SRPRB: variants seen among roughly 807,000 people sequenced by gnomAD.
SRPRB encodes the protein SRP receptor subunit beta.
SRPRB carries 20 observed loss-of-function variants against 31.9 expected under a neutral mutation model. That is an observed-to-expected ratio of 0.63 (90% CI 0.44 to 0.91). The LOEUF (loss-of-function observed/expected upper bound fraction) is 0.91, where lower values mean the gene tolerates loss of function less well. SRPRB is among the 40% of genes least tolerant of loss of function. The probability of loss-of-function intolerance (pLI) is 0.00; values close to 1 mark genes in which losing one functional copy is unlikely to be tolerated. For synonymous variants in SRPRB, 146 were observed against 132.8 expected, an observed-to-expected ratio of 1.10 and a Z score of -0.68; for missense variants, 321 against 324.9, an observed-to-expected ratio of 0.99 and a Z score of 0.09.
intron 4 of SRPRB, among the ~76,000 whole-genome samples, chr3:133,813,333 A>T (rs1271074272): frequency 6.6e-6 from 1 of 151,532 alleles, no homozygotes; most frequent in African/African-American, 2.4e-5. Context: ...CATTTCTCAC[A>T]CTCTGGAATT....
At chr3:133,814,029 G>T (rs1935321181) in intron 4 of SRPRB, among the ~76,000 whole-genome samples, 1 of 152,190 alleles carries the variant, frequency 6.6e-6, no homozygotes, top group South Asian at 2.1e-4. Context: ...TTAAGTTGTA[G>T]GCTTTGTGCA....
intron 5 of SRPRB, among the ~76,000 whole-genome samples, chr3:133,816,241 G>A (rs1053275062): frequency 6.6e-6 from 1 of 152,182 alleles, no homozygotes; most frequent in African/African-American, 2.4e-5. Context: ...GTCTCTTCCA[G>A]ATCTGAAATT....
chr3:133,824,466 A>T (rs1397726766), downstream of SRPRB: 1 of 152,206 alleles, frequency 6.6e-6, no homozygotes, highest in Non-Finnish European at 1.5e-5. Context: ...CTTCAATGCT[A>T]TGGAGGCTTC....
upstream of SRPRB, among the ~76,000 whole-genome samples, chr3:133,803,894 A>T (rs1163784277): frequency 6.6e-6 from 1 of 151,646 alleles, no homozygotes; most frequent in African/African-American, 2.4e-5. Context: ...TAGGAGATCG[A>T]GACCATCCTG....
Position 133,820,099 on chromosome 3 carries a change from G to A in SRPRB, c.*333G>A, listed in dbSNP as rs1269895404. On this transcript the variant is annotated 3_prime_UTR_variant, in exon 7 of 7. Coordinates refer to ENST00000678299, the MANE Select transcript of SRPRB (RefSeq NM_001379313.1). ...TATGATGAGAATATGGCCATCACCT[G>A]AAAAGTTTTCTTATCTTCTGTGCTT... 7 of 226,138 alleles carry A rather than the reference G, an allele frequency of 3.1e-5. No individual in the cohort carries two copies. Among genetic ancestry groups the A allele is most frequent in the Non-Finnish European group, 5.3e-5 (6 of 112,898 alleles). 14.0% of individuals were successfully genotyped at this position (226,138 alleles called of 1,614,324 possible).
chr3:133,818,785 A>AGTGTGTGTGTGTGTGTGTGT (rs146467727), intron 6 of SRPRB, among the ~76,000 whole-genome samples: 3 of 144,102 alleles, frequency 2.1e-5, no homozygotes, highest in African/African-American at 5.2e-5. Flanking sequence ...ATACTTTTAC[A>AGTGTGTGTGTGTGTGTGTGT]GTGTGTGTGT....
chr3:133,813,171 C>T (rs138867709), intron 4 of SRPRB, among the ~76,000 whole-genome samples: 40 of 152,286 alleles, frequency 2.6e-4, no homozygotes, highest in African/African-American at 8.2e-4. Context: ...CCTGATTTGA[C>T]CTTCTATCCA....
At chr3:133,795,779 T>A (rs1443989697) in intron 1 of SRPRB, 5 of 152,146 alleles carry the variant, frequency 3.3e-5, no homozygotes, top group African/African-American at 1.2e-4. Context: ...GGTTTCACCA[T>A]GTTAGCCAGG....
At chr3:133,811,283 T>C in intron 4 of SRPRB, 84 bp downstream of exon 4, 35 of 1,430,746 alleles carry the variant, frequency 2.4e-5, no homozygotes, top group Non-Finnish European at 3.4e-5. Flanking sequence ...CTGGTGGTGT[T>C]TGGGAGGCAG....
In SRPRB at chr3:133,809,778, TTAA is replaced by T. The variant is rs1187547014; in HGVS notation, c.328-1334_328-1332del. On this transcript the variant is annotated intron_variant, in intron 3 of 6. Coordinates refer to ENST00000678299, the MANE Select transcript of SRPRB (RefSeq NM_001379313.1). ...TGGAAAAAAAGAACGTAAAGTATCA[TTAA>T]TAATTTCTTTTTTTATTACATTTTA... Among the ~76,000 whole-genome samples, 3 of 152,220 alleles carry T rather than the reference TTAA, an allele frequency of 2.0e-5. No homozygotes were observed. The East Asian group carries it at 5.8e-4, about 29-fold the overall frequency.
chr3:133,824,340 G>C (rs1018086284), downstream of SRPRB: 12 of 152,162 alleles, frequency 7.9e-5, no homozygotes, highest in African/African-American at 2.7e-4. Context: ...TGTCTTCTGA[G>C]CCCATAACAG....
chr3:133,815,757 G>A (rs751620745), intron 5 of SRPRB, 31 bp downstream of exon 5: 7 of 1,603,828 alleles, frequency 4.4e-6, no homozygotes, highest in Non-Finnish European at 6.0e-6. Context: ...AATAATAATT[G>A]AGTTTTTTGG....
At position 133,819,915 on chromosome 3, in the gene SRPRB, G is replaced by T. The variant is rs964392495; in HGVS notation, c.*149G>T. ...AACAAAGTACTGTTGAAACCAGCTT[G>T]GAATTTTTTTTTTTTTTTTTTTTAA... On this transcript the variant is annotated 3_prime_UTR_variant, in exon 7 of 7. Coordinates refer to ENST00000678299, the MANE Select transcript of SRPRB (RefSeq NM_001379313.1). 23 of 676,994 alleles carry T rather than the reference G, an allele frequency of 3.4e-5. No homozygotes were observed. Among genetic ancestry groups the T allele is most frequent in the South Asian group, 2.1e-4 (9 of 43,630 alleles). 41.9% of individuals were successfully genotyped at this position (676,994 alleles called of 1,614,324 possible).
At chr3:133,806,443 C>G (rs2107968052) in intron 1 of SRPRB, 166 bp from the exon 2 acceptor site, 1 of 588,228 alleles carries the variant, frequency 1.7e-6, no homozygotes, top group Non-Finnish European at 3.0e-6. Flanking sequence ...GTGCCTGGCT[C>G]TCAGTGGATC....
chr3:133,798,786 G>A (rs986091854), intron 1 of SRPRB, among the ~76,000 whole-genome samples: 2 of 152,164 alleles, frequency 1.3e-5, no homozygotes, highest in Non-Finnish European at 2.9e-5. Flanking sequence ...AAGTCAAACT[G>A]TAAACTGCCT....
At chr3:133,793,925 C>T (rs922897957) in intron 1 of SRPRB, 2 of 152,064 alleles carry the variant, frequency 1.3e-5, no homozygotes, top group African/African-American at 2.4e-5. Flanking sequence ...ACTGCTAACC[C>T]AAGTAGAACA....
chr3:133,828,198 A>G (rs573317973), downstream of SRPRB: 3 of 577,834 alleles, frequency 5.2e-6, no homozygotes, highest in African/African-American at 5.6e-5. Flanking sequence ...CCATGGAAAG[A>G]CAAGAGTCAG....
downstream of SRPRB, chr3:133,827,945 C>A (rs1349884848): frequency 1.4e-6 from 1 of 703,026 alleles, no homozygotes; most frequent in Admixed American, 2.0e-5. Context: ...GCACCCCAGT[C>A]TATAAACCAC....
In SRPRB at chr3:133,819,567, T is replaced by C; in HGVS notation, c.617T>C (p.Val206Ala). The C allele has an allele frequency of 4.3e-6, 7 of 1,613,754 alleles. No homozygotes were observed. Among genetic ancestry groups the C allele is most frequent in the Non-Finnish European group, 5.9e-6 (7 of 1,179,688 alleles). Residue 206 changes from valine to alanine, a missense_variant, in exon 7 of 7, where the codon GTT becomes GCT. By Grantham distance (64) the Val-to-Ala change is moderately conservative. Transcript: ENST00000678299. Reference sequence around the variant, plus strand: ...TTGCCCCACAGCAACACCTTACGAGTTACCCGTTCTGCTGCCCCCAGCACA... The same window carrying C: ...TTGCCCCACAGCAACACCTTACGAGCTACCCGTTCTGCTGCCCCCAGCACA... ...QLEKELNTLR[V>A]TRSAAPSTLD...
Sources: allele counts gnomAD v4.1 joint callset (sites outside exome capture counted in the v4.1 genomes callset), GRCh38; gene constraint gnomAD v4.1.1; transcripts MANE v1.5; gene names NCBI Gene and HGNC (gene_info 2026-07-23, HGNC 2026-07-21).